The following DAB1 variants were observed in gnomAD, a reference collection of about 807,000 sequenced individuals.
DAB1 encodes the protein DAB adaptor protein 1.
In DAB1, 15 loss-of-function variants were observed where a neutral mutation model predicts 64.6. The ratio of observed to expected loss-of-function variants is 0.23; its 90% CI spans 0.16 to 0.36. The LOEUF (loss-of-function observed/expected upper bound fraction) is 0.36, where lower values mean the gene tolerates loss of function less well. Among genes scored for constraint, DAB1 ranks in the 10% least tolerant of loss-of-function variants. The pLI is 1.00. For missense variants in DAB1, 596 were observed against 706.7 expected (o/e 0.84, Z 1.78); for synonymous variants, 235 against 251.9 (o/e 0.93, Z 0.64).
chr1:57,941,324 C>A (rs1481138847), intron 5 of DAB1, among the ~76,000 whole-genome samples: 1 of 152,152 alleles, frequency 6.6e-6, no homozygotes, highest in Non-Finnish European at 1.5e-5. Context: ...GATTGAGATA[C>A]AAATAATTGA....
intron 6 of DAB1, among the ~76,000 whole-genome samples, chr1:57,651,076 T>G (rs914800042): frequency 4.0e-5 from 6 of 151,858 alleles, no homozygotes; most frequent in African/African-American, 1.5e-4. Flanking sequence ...CAATAAAAAG[T>G]GATGTTCCAT....
intron 5 of DAB1, among the ~76,000 whole-genome samples, chr1:57,941,893 G>A (rs1298865815): frequency 6.6e-6 from 1 of 152,126 alleles, no homozygotes; most frequent in Non-Finnish European, 1.5e-5. Context: ...AATAAGTTTG[G>A]AAAACTGAAT....
chr1:57,578,072 T>C (rs1195819714), intron 7 of DAB1, among the ~76,000 whole-genome samples: 3 of 152,168 alleles, frequency 2.0e-5, no homozygotes, highest in Non-Finnish European at 2.9e-5. Flanking sequence ...AGAAAGCCCT[T>C]TGGGACTCCA....
At chr1:58,268,857 A>G (rs1161204645) in intron 4 of DAB1, among the ~76,000 whole-genome samples, 1 of 152,202 alleles carries the variant, frequency 6.6e-6, no homozygotes, top group African/African-American at 2.4e-5. Flanking sequence ...CTTGATTTCA[A>G]TATGTATTAC....
intron 6 of DAB1, among the ~76,000 whole-genome samples, chr1:57,746,867 AT>A (rs143589298): frequency 0.061 from 9,037 of 147,742 alleles, 289 homozygotes; most frequent in Middle Eastern, 0.1. Context: ...TAAGAATACC[AT>A]TTTTTTTTTG....
intron 4 of DAB1, among the ~76,000 whole-genome samples, chr1:58,255,721 C>T (rs1008964307): frequency 3.9e-5 from 6 of 152,268 alleles, no homozygotes; most frequent in East Asian, 1.9e-4. Context: ...GGTCCCCCAA[C>T]GGCAAGAAAG....
At chr1:58,473,486 G>A (rs908656677) in intron 3 of DAB1, among the ~76,000 whole-genome samples, 2 of 152,026 alleles carry the variant, frequency 1.3e-5, no homozygotes, top group Admixed American at 1.3e-4. Flanking sequence ...AGCTTGCAGT[G>A]AGCCGAGATT....
rs540848841 is a variant in DAB1, at chr1:57,922,218, C to A, written n.388-38056G>T. On this transcript the variant is annotated intron_variant and non_coding_transcript_variant, in intron 5 of 20. Transcript: ENST00000485760. ...ACAATGAGTTCTTCAAAGTTGTGGGCTCAGTTTCAATTATGAGTCTCTGCA... is the reference window on the plus strand; with the variant it reads ...ACAATGAGTTCTTCAAAGTTGTGGGATCAGTTTCAATTATGAGTCTCTGCA... Among the ~76,000 whole-genome samples, 19 of 152,150 alleles carry A rather than the reference C, an allele frequency of 1.2e-4. No homozygotes were observed. In the South Asian group the frequency reaches 3.9e-3, roughly 32 times the overall value.
chr1:57,503,206 G>A (rs193295589), intron 7 of DAB1, among the ~76,000 whole-genome samples: 57 of 152,290 alleles, frequency 3.7e-4, no homozygotes, highest in African/African-American at 1.3e-3. Flanking sequence ...TCACATCATA[G>A]GGTACTGTAG....
At chr1:57,293,028 AGAAT>A (rs199902633) in intron 1 of DAB1, among the ~76,000 whole-genome samples, 10 of 152,116 alleles carry the variant, frequency 6.6e-5, no homozygotes, top group Non-Finnish European at 8.8e-5. Context: ...AATTGTATGT[AGAAT>A]GAATGAATGA....
chr1:57,817,660 G>C lies in DAB1; in HGVS notation n.551+66339C>G, dbSNP rs568102358. ...GCCCCACTCAAAATTATTGATTTGA[G>C]TGTGTGAATCAGAAATGAGAGCTAG... is the stretch of plus-strand genomic sequence containing the variant. On this transcript the variant is annotated intron_variant and non_coding_transcript_variant, in intron 6 of 20. Transcript: ENST00000485760. Among the ~76,000 whole-genome samples the C allele has an allele frequency of 1.9e-3, 284 of 152,316 alleles. 1 individual carries two copies. Among genetic ancestry groups the C allele is most frequent in the Middle Eastern group, 3.4e-3 (1 of 294 alleles).
At position 58,125,467 on chromosome 1, in the gene DAB1, A is replaced by T. The variant is rs139724619; in HGVS notation, n.387+25044T>A. 4.2e-3 allele frequency among the ~76,000 whole-genome samples: 619 copies of T among 146,800 alleles called. 15 individuals carry two copies. Among genetic ancestry groups the T allele is most frequent in the Admixed American group, 0.037 (537 of 14,688 alleles). On this transcript the variant is annotated intron_variant and non_coding_transcript_variant, in intron 5 of 20. Coordinates refer to the DAB1 transcript ENST00000485760. ...TTTTTTTTTTTTTTTTCGAGACAGG[A>T]TCTCCCTGTGTCACCCAGGCTGGAG...
At chr1:57,521,939 G>A (rs567707985) in intron 7 of DAB1, among the ~76,000 whole-genome samples, 40 of 152,130 alleles carry the variant, frequency 2.6e-4, no homozygotes, top group African/African-American at 9.4e-4. Context: ...GCGAAACCCC[G>A]TCTCTAGTAA....
chr1:56,997,202 A>G lies in DAB1; in HGVS notation c.*942T>C, dbSNP rs942426803. 1 of 152,252 alleles carries G rather than the reference A, an allele frequency of 6.6e-6. No individual in the cohort carries two copies. The highest frequency in any genetic ancestry group is 6.5e-5 in the Admixed American group (1 of 15,280). 9.4% of individuals were successfully genotyped at this position (152,252 alleles called of 1,614,324 possible). ...AGAAGACACTTGTCTGCATAGCAAC[A>G]CAGCAGCAAGATATCGGAAAAATAA... On this transcript the variant is annotated 3_prime_UTR_variant, in exon 15 of 15. Coordinates refer to ENST00000371236, the MANE Select transcript of DAB1 (RefSeq NM_001365792.1).
chr1:58,381,889 CACCATCAAA>C (rs1644392999), intron 3 of DAB1, among the ~76,000 whole-genome samples: 4 of 103,450 alleles, frequency 3.9e-5, no homozygotes, highest in Non-Finnish European at 6.7e-5. Flanking sequence ...TAATGAATGA[CACCATCAAA>C]GAAGTGAGAC....
chr1:57,903,525 A>G (rs957554122), intron 5 of DAB1, among the ~76,000 whole-genome samples: 2 of 152,020 alleles, frequency 1.3e-5, no homozygotes, highest in African/African-American at 4.8e-5. Context: ...TTTCTCCCCA[A>G]CCTCAGTCAC....
chr1:57,603,386 G>A (rs549864179), intron 7 of DAB1, among the ~76,000 whole-genome samples: 176 of 152,278 alleles, frequency 1.2e-3, no homozygotes, highest in Admixed American at 4.3e-3. Context: ...CCTATAGCCC[G>A]GAAGAGACAA....
chr1:57,771,760 C>T (rs968782504), intron 6 of DAB1, among the ~76,000 whole-genome samples: 1 of 152,058 alleles, frequency 6.6e-6, no homozygotes, highest in African/African-American at 2.4e-5. Flanking sequence ...CTCCAACTCC[C>T]AGCCCCAGGA....
At chr1:57,230,201 T>C (rs957308069) in intron 2 of DAB1, among the ~76,000 whole-genome samples, 2 of 152,066 alleles carry the variant, frequency 1.3e-5, no homozygotes, top group Non-Finnish European at 2.9e-5. Flanking sequence ...TAACAACTAC[T>C]CTGAAATTGT....
Sources: gnomAD v4.1 joint callset for allele counts (sites outside exome capture counted in the v4.1 genomes callset) on GRCh38, gnomAD v4.1.1 for gene constraint, MANE v1.5 for transcripts, NCBI Gene and HGNC (gene_info 2026-07-23, HGNC 2026-07-21) for gene names.